Variants in VWA8 observed in about 807,000 individuals in gnomAD.
The protein encoded by VWA8 is von Willebrand factor A domain containing 8.
A neutral mutation model predicts 241.5 loss-of-function variants in VWA8; 221 were observed. The observed-to-expected ratio is 0.91, with a 90% CI of 0.82 to 1.02. The LOEUF is 1.02. Ranked by LOEUF, VWA8 falls within the 50% of genes least tolerant of loss-of-function variation. The probability of loss-of-function intolerance (pLI) is 0.00; values close to 1 mark genes in which losing one functional copy is unlikely to be tolerated. For synonymous variants in VWA8, 852 were observed against 827.1 expected (o/e 1.03, Z -0.52); for missense variants, 2,322 against 2,328.7 (o/e 1.00, Z 0.06).
chr13:41,586,880 A>C (rs2044421822), intron 42 of VWA8, among the ~76,000 whole-genome samples: 2 of 152,160 alleles, frequency 1.3e-5, no homozygotes, highest in Non-Finnish European at 2.9e-5. Context: ...TGCTCTGGTA[A>C]GGGCCAGAAG....
At chr13:41,929,514 G>C (rs1241418971) in intron 2 of VWA8, among the ~76,000 whole-genome samples, 1 of 152,124 alleles carries the variant, frequency 6.6e-6, no homozygotes, top group Non-Finnish European at 1.5e-5. Flanking sequence ...TGTGCAACTA[G>C]TATGTATCAG....
intron 37 of VWA8, among the ~76,000 whole-genome samples, chr13:41,626,274 C>T (rs1224952808): frequency 2.6e-5 from 4 of 152,010 alleles, no homozygotes; most frequent in African/African-American, 9.7e-5. Context: ...AGAGATGACA[C>T]AAACAAATGG....
chr13:41,713,055 T>C (rs1295485461), intron 26 of VWA8, among the ~76,000 whole-genome samples: 1 of 152,216 alleles, frequency 6.6e-6, no homozygotes, highest in East Asian at 1.9e-4. Context: ...AAATGCCTAG[T>C]TAACTTGATT....
intron 42 of VWA8, among the ~76,000 whole-genome samples, chr13:41,583,542 C>T (rs1334933537): frequency 6.7e-6 from 1 of 149,872 alleles, no homozygotes; most frequent in Non-Finnish European, 1.5e-5. Flanking sequence ...ACTCGGGAGG[C>T]TGAGACAGAA....
chr13:41,672,141 C>A (rs17637518), intron 36 of VWA8, among the ~76,000 whole-genome samples: 28,760 of 152,070 alleles, frequency 0.19, 3,416 homozygotes, highest in East Asian at 0.34. Flanking sequence ...AATGTCAGTG[C>A]TGAAACCAAT....
At chr13:41,753,153 C>T (rs1381167661) in intron 21 of VWA8, among the ~76,000 whole-genome samples, 1 of 152,116 alleles carries the variant, frequency 6.6e-6, no homozygotes, top group African/African-American at 2.4e-5. Flanking sequence ...TGCAGAAAAT[C>T]TCACTGAAAG....
chr13:41,865,893 C>T lies in VWA8; in HGVS notation c.1347+9G>A, dbSNP rs755403653. 4 of 1,614,180 alleles carry T rather than the reference C, an allele frequency of 2.5e-6. No individual in the cohort carries two copies. The highest frequency in any genetic ancestry group is 3.4e-6 in the Non-Finnish European group (4 of 1,180,006). On this transcript the variant is annotated intron_variant, in intron 11 of 44. Coordinates refer to ENST00000379310, the MANE Select transcript of VWA8 (RefSeq NM_015058.2). ...AACTAAAAGTCTGCAGTGAGACTGTCATTCTTACCTTTCCTCCAATTAAAC... is the reference window on the plus strand; with the variant it reads ...AACTAAAAGTCTGCAGTGAGACTGTTATTCTTACCTTTCCTCCAATTAAAC...
rs1869237645 is a variant in VWA8 at position 41,787,259 on chromosome 13, C to T, written c.2170+178G>A. Among the ~76,000 whole-genome samples, 4 of 146,686 alleles carry T rather than the reference C, an allele frequency of 2.7e-5. No individual in the cohort carries two copies. In the South Asian group the frequency reaches 8.9e-4, roughly 33 times the overall value. On this transcript the variant is annotated intron_variant, in intron 18 of 44. Coordinates refer to ENST00000379310, the MANE Select transcript of VWA8 (RefSeq NM_015058.2). Reference sequence around the variant, plus strand: ...ATGAAGTAAATATTCTAAGATTTTACTTGTGTTTTTCAAACTTAAAAAAAT... The same window carrying T: ...ATGAAGTAAATATTCTAAGATTTTATTTGTGTTTTTCAAACTTAAAAAAAT...
At chr13:41,660,934 C>G (rs541271659) in intron 37 of VWA8, among the ~76,000 whole-genome samples, 1 of 146,300 alleles carries the variant, frequency 6.8e-6, no homozygotes, top group Non-Finnish European at 1.5e-5. Context: ...GGCACGATTT[C>G]GGCTCACTGA....
chr13:41,634,094 T>C (rs1472760421), intron 37 of VWA8, among the ~76,000 whole-genome samples: 1 of 152,086 alleles, frequency 6.6e-6, no homozygotes, highest in East Asian at 1.9e-4. Flanking sequence ...TGTTTGGCCA[T>C]GGGTGCCGTG....
At chr13:41,635,465 G>A (rs989643897) in intron 37 of VWA8, among the ~76,000 whole-genome samples, 8 of 152,160 alleles carry the variant, frequency 5.3e-5, no homozygotes, top group African/African-American at 1.2e-4. Context: ...ATGTCCATAC[G>A]TAATTAAGAT....
At chr13:41,734,736 C>T (rs1039684564) in intron 21 of VWA8, among the ~76,000 whole-genome samples, 1 of 152,202 alleles carries the variant, frequency 6.6e-6, no homozygotes, top group African/African-American at 2.4e-5. Context: ...GGCCGGGCAC[C>T]TGCCCCCATA....
At chr13:41,613,460 G>T (rs145746845) in intron 38 of VWA8, among the ~76,000 whole-genome samples, 96 of 152,278 alleles carry the variant, frequency 6.3e-4, no homozygotes, top group African/African-American at 2.2e-3. Context: ...CTACAGGAGG[G>T]TATCCTGAGT....
rs190939909 is a variant in VWA8, at chr13:41,581,032, C to T, written c.5272-5194G>A. On this transcript the variant is annotated intron_variant, in intron 42 of 44. Transcript: ENST00000379310. ...TTTATTTTTTTTTGAGACGGAGTCT[C>T]GCTGTCGTCCAGGCTGGAGTGCAGT... Among the ~76,000 whole-genome samples the T allele has an allele frequency of 2.6e-5, 2 of 76,588 alleles. 1 individual carries two copies. The highest frequency in any genetic ancestry group is 4.3e-5 in the Non-Finnish European group (2 of 46,738). The allele number at this position is 76,588 out of a possible 152,430, so 50.2% of individuals were successfully genotyped here.
intron 26 of VWA8, among the ~76,000 whole-genome samples, chr13:41,708,782 G>A (rs963885028): frequency 6.6e-6 from 1 of 152,070 alleles, no homozygotes; most frequent in African/African-American, 2.4e-5. Flanking sequence ...TATACTCCCC[G>A]ATACCCAGAA....
intron 36 of VWA8, among the ~76,000 whole-genome samples, chr13:41,672,312 T>C (rs1674118350): frequency 6.6e-6 from 1 of 152,224 alleles, no homozygotes; most frequent in Non-Finnish European, 1.5e-5. Context: ...TATATATATA[T>C]GTATGTATAG....
rs753528349 is a variant in VWA8 at position 41,891,517 on chromosome 13, A to C, written c.554T>G (p.Val185Gly). The stretch of plus-strand genomic sequence containing the variant: ...CAGCAAGTTGTTCAAAACAGGCAAA[A>C]CATTCCTCTCTGCCTTTTCCAAACC... ...LEGLEKAERN[V>G]LPVLNNLLEN... The change falls in exon 5 of 45, where the codon GTT becomes GGT. Residue 185 changes from valine to glycine, a missense_variant. Coordinates refer to ENST00000379310, the MANE Select transcript of VWA8 (RefSeq NM_015058.2). 2.1e-5 allele frequency: 34 copies of C among 1,614,052 alleles called. No individual in the cohort carries two copies. Among genetic ancestry groups the C allele is most frequent in the Non-Finnish European group, 2.8e-5 (33 of 1,180,030 alleles).
rs2045369228 is a variant in VWA8 at position 41,719,598 on chromosome 13, C to T, written c.3109G>A (p.Ala1037Thr). ...GTACTGAATTTGCCTTACTCCTTTG[C>T]CAGCTGCACACTGGTAGGCTTTGCT... The part of the protein sequence containing the change: ...IGAKPTSVQL[A>T]KELTLPEQTF... The change falls in exon 26 of 45, where the codon GCA (alanine) becomes ACA (threonine). Residue 1037 changes from alanine (A) to threonine (T), a missense_variant. Physicochemically the swap from Ala to Thr is moderately conservative, Grantham distance 58. Coordinates refer to ENST00000379310, the MANE Select transcript of VWA8 (RefSeq NM_015058.2). 4.3e-6 allele frequency: 7 copies of T among 1,612,800 alleles called. No individual in the cohort carries two copies. The highest frequency in any genetic ancestry group is 5.9e-6 in the Non-Finnish European group (7 of 1,179,184).
At chr13:41,800,262 T>C (rs1869888867) in intron 17 of VWA8, among the ~76,000 whole-genome samples, 2 of 152,198 alleles carry the variant, frequency 1.3e-5, no homozygotes. Flanking sequence ...TGTGGACCTG[T>C]TTTTGTTTCT....
Sources: allele counts gnomAD v4.1 joint callset (sites outside exome capture counted in the v4.1 genomes callset), GRCh38; gene constraint gnomAD v4.1.1; transcripts MANE v1.5; gene names NCBI Gene and HGNC (gene_info 2026-07-23, HGNC 2026-07-21).